Variants in ELOVL5 observed in about 807,000 individuals in gnomAD.
The protein encoded by ELOVL5 is very long chain fatty acid elongase 5.
A neutral mutation model predicts 38.6 loss-of-function variants in ELOVL5; 8 were observed. That is an observed-to-expected ratio of 0.21 (90% CI 0.12 to 0.37). ELOVL5 has a LOEUF of 0.37. Ranked by LOEUF, ELOVL5 falls within the 10% of genes least tolerant of loss-of-function variation. ELOVL5 has a pLI of 1.00. For missense variants in ELOVL5, 280 were observed against 367.8 expected, an observed-to-expected ratio of 0.76 and a Z score of 1.95; for synonymous variants, 127 against 133.7, an observed-to-expected ratio of 0.95 and a Z score of 0.34.
intron 2 of ELOVL5, chr6:53,294,353 G>C (rs1351418104): frequency 6.4e-7 from 1 of 1,573,092 alleles, no homozygotes; most frequent in East Asian, 2.3e-5. Flanking sequence ...AGAGCTCTGG[G>C]AAACAACTTC....
At chr6:53,333,664 G>T (rs531558343) in intron 1 of ELOVL5, among the ~76,000 whole-genome samples, 65 of 152,260 alleles carry the variant, frequency 4.3e-4, no homozygotes, top group Middle Eastern at 3.4e-3. Flanking sequence ...AATTTAACTG[G>T]TCAACTTAGA....
chr6:53,269,381 T>A, intron 7 of ELOVL5, 111 bp from the exon 8 acceptor site: 1 of 781,406 alleles, frequency 1.3e-6, no homozygotes, highest in Non-Finnish European at 1.9e-6. Context: ...TCAAATCTTA[T>A]CAAGGAGAAA....
chr6:53,273,103 T>C lies in ELOVL5; in HGVS notation c.621+117A>G, dbSNP rs150496797. The C allele has an allele frequency of 2.0e-5, 23 of 1,125,092 alleles. No individual in the cohort carries two copies. In the African/African-American group the frequency reaches 3.3e-4, roughly 16 times the overall value. The allele number at this position is 1,125,092 out of a possible 1,614,324, so 69.7% of individuals were successfully genotyped here. A position where few individuals can be genotyped will look rare whatever the true frequency, so the allele number is the denominator to read the frequency against. ...ACCCACTTCAAGGAATTTAATTACA[T>C]CAAATGAAAAAGGGTGGAGAAGGGG... On this transcript the variant is annotated intron_variant, in intron 6 of 7. Coordinates refer to ENST00000304434, the MANE Select transcript of ELOVL5 (RefSeq NM_021814.5).
At position 53,348,857 on chromosome 6, in the gene ELOVL5, AGGC is replaced by A. The variant is rs752938973; in HGVS notation, c.-52_-50del. 9.2e-5 allele frequency: 42 copies of A among 457,956 alleles called. No individual in the cohort carries two copies. Among genetic ancestry groups the A allele is most frequent in the East Asian group, 2.1e-4 (3 of 14,218 alleles). The allele number at this position is 457,956 out of a possible 1,614,324, so 28.4% of individuals were successfully genotyped here. ...GCGGCAGCAGCTTTGAGCAGCAGCAAGGCGGCGGCGGCGGAGGGAGCGCGGGTG... is the reference window on the plus strand; with the variant it reads ...GCGGCAGCAGCTTTGAGCAGCAGCAAGGCGGCGGCGGAGGGAGCGCGGGTG... On this transcript the variant is annotated 5_prime_UTR_variant, in exon 1 of 8. Coordinates refer to ENST00000304434, the MANE Select transcript of ELOVL5 (RefSeq NM_021814.5).
intron 1 of ELOVL5, among the ~76,000 whole-genome samples, chr6:53,334,292 G>A (rs1238117204): frequency 6.6e-6 from 1 of 152,152 alleles, no homozygotes; most frequent in African/African-American, 2.4e-5. Context: ...GAAAACCCAA[G>A]AGACAGAGGC....
At chr6:53,289,010 C>T (rs1409628615) in intron 3 of ELOVL5, among the ~76,000 whole-genome samples, 1 of 152,138 alleles carries the variant, frequency 6.6e-6, no homozygotes, top group Non-Finnish European at 1.5e-5. Context: ...AAGCAGTGAG[C>T]ACCACTGCAC....
intron 1 of ELOVL5, among the ~76,000 whole-genome samples, chr6:53,324,275 A>G (rs1358929906): frequency 4.9e-5 from 7 of 143,738 alleles, no homozygotes; most frequent in Admixed American, 6.9e-5. Context: ...AAAAAAAAAA[A>G]GAAAAAAAAG....
intron 1 of ELOVL5, among the ~76,000 whole-genome samples, chr6:53,330,882 TTCAATA>T (rs1768771777): frequency 6.6e-6 from 1 of 152,210 alleles, no homozygotes; most frequent in Non-Finnish European, 1.5e-5. Context: ...ACTCAGGATC[TTCAATA>T]TCACTGTCTT....
chr6:53,307,314 C>G (rs1442291925), intron 1 of ELOVL5, among the ~76,000 whole-genome samples: 2 of 152,014 alleles, frequency 1.3e-5, no homozygotes, highest in Admixed American at 1.3e-4. Flanking sequence ...ATCCCTGCTT[C>G]ACCACTTACT....
At chr6:53,293,502 G>A (rs1196914424) in intron 2 of ELOVL5, among the ~76,000 whole-genome samples, 1 of 152,020 alleles carries the variant, frequency 6.6e-6, no homozygotes, top group Non-Finnish European at 1.5e-5. Context: ...AATTTTAGTA[G>A]AGACCAGGTT....
intron 3 of ELOVL5, among the ~76,000 whole-genome samples, chr6:53,285,547 C>T (rs759287220): frequency 2.3e-4 from 30 of 131,948 alleles, no homozygotes; most frequent in Non-Finnish European, 4.6e-4. Context: ...AGATCACTGA[C>T]GAACATGGCT....
intron 1 of ELOVL5, among the ~76,000 whole-genome samples, chr6:53,337,877 TGGTGA>T (rs1460530553): frequency 2.6e-5 from 4 of 152,174 alleles, no homozygotes; most frequent in Non-Finnish European, 5.9e-5. Flanking sequence ...GAGTAATACT[TGGTGA>T]CTGACAGTTG....
intron 1 of ELOVL5, among the ~76,000 whole-genome samples, chr6:53,300,025 AG>A (rs1310116711): frequency 1.3e-5 from 2 of 152,200 alleles, no homozygotes; most frequent in African/African-American, 4.8e-5. Flanking sequence ...AAAAGGGAGA[AG>A]GGGCAGGTAG....
intron 1 of ELOVL5, among the ~76,000 whole-genome samples, chr6:53,299,606 C>T (rs947144535): frequency 6.6e-6 from 1 of 152,176 alleles, no homozygotes; most frequent in Non-Finnish European, 1.5e-5. Context: ...AGTACTGAAC[C>T]AGCAGCAGGC....
intron 1 of ELOVL5, among the ~76,000 whole-genome samples, chr6:53,327,440 C>T (rs929352246): frequency 6.6e-6 from 1 of 152,156 alleles, no homozygotes; most frequent in Non-Finnish European, 1.5e-5. Context: ...TACAAGAGGT[C>T]ACATATTGTA....
At chr6:53,320,750 T>C (rs539349736) in intron 1 of ELOVL5, among the ~76,000 whole-genome samples, 7 of 152,266 alleles carry the variant, frequency 4.6e-5, no homozygotes, top group East Asian at 3.9e-4. Context: ...CAATCATATA[T>C]TGAATTGCAG....
intron 1 of ELOVL5, among the ~76,000 whole-genome samples, chr6:53,315,419 T>C (rs994414119): frequency 2.6e-5 from 4 of 152,124 alleles, no homozygotes; most frequent in Admixed American, 6.5e-5. Context: ...AGAGAAGCAG[T>C]TTTCCATTTA....
intron 1 of ELOVL5, among the ~76,000 whole-genome samples, chr6:53,327,813 T>C (rs947248890): frequency 6.6e-6 from 1 of 152,230 alleles, no homozygotes; most frequent in Admixed American, 6.5e-5. Flanking sequence ...AAGAATTTAT[T>C]CATCTCCCAT....
chr6:53,285,482 G>A (rs1449118965), intron 3 of ELOVL5, among the ~76,000 whole-genome samples: 1 of 152,262 alleles, frequency 6.6e-6, no homozygotes, highest in Non-Finnish European at 1.5e-5. Flanking sequence ...AGGGCAAGGT[G>A]TAGCAGCAAG....
Sources: gnomAD v4.1 joint callset for allele counts (sites outside exome capture counted in the v4.1 genomes callset) on GRCh38, gnomAD v4.1.1 for gene constraint, MANE v1.5 for transcripts, NCBI Gene and HGNC (gene_info 2026-07-23, HGNC 2026-07-21) for gene names.